The following POLQ variants were observed in gnomAD, a reference collection of about 807,000 sequenced individuals.
POLQ encodes the protein epididymis secretory sperm binding protein.
In POLQ, 233 loss-of-function variants were observed where a neutral mutation model predicts 259.2. The observed-to-expected ratio is 0.90, with a 90% CI of 0.81 to 1.00. The LOEUF is 1.00. Ranked by LOEUF, POLQ falls within the 50% of genes least tolerant of loss-of-function variation. The probability of loss-of-function intolerance (pLI) is 0.00; values close to 1 mark genes in which losing one functional copy is unlikely to be tolerated. For missense variants in POLQ, 2,871 were observed against 3,051.6 expected (o/e 0.94, Z 1.39); for synonymous variants, 1,025 against 1,048.8 (o/e 0.98, Z 0.44).
chr3:121,465,517 G>A (rs2047827856), intron 24 of POLQ, among the ~76,000 whole-genome samples: 1 of 152,016 alleles, frequency 6.6e-6, no homozygotes, highest in African/African-American at 2.4e-5. Flanking sequence ...CACAGATATT[G>A]CAGGTTTTTT....
rs1490660025 is a variant in POLQ, at chr3:121,496,873, T to C, written c.2213A>G (p.Asn738Ser). 27 of 1,613,688 alleles carry C rather than the reference T, an allele frequency of 1.7e-5. No homozygotes were observed. The highest frequency in any genetic ancestry group is 2.3e-5 in the Non-Finnish European group (27 of 1,179,864). Residue 738 changes from asparagine to serine, a missense_variant, in exon 14 of 30, where the codon AAT becomes AGT. Asn to Ser is a conservative substitution (Grantham distance 46). Around this residue, in one of 3 missense-constraint regions of POLQ, gnomAD observed 783 missense variants for 906.2 expected, o/e 0.86. Coordinates refer to ENST00000264233, the MANE Select transcript of POLQ (RefSeq NM_199420.4). The stretch of plus-strand genomic sequence containing the variant: ...CCCACGATTGCATCCATATTTCTGA[T>C]TTATTTCCCTTAAGGGAACTTCACT... Reference protein sequence around the residue: ...LISEVPLREINQKYGCNRGQI... With the variant: ...LISEVPLREISQKYGCNRGQI...
intron 1 of POLQ, among the ~76,000 whole-genome samples, chr3:121,545,369 G>A (rs1217333519): frequency 6.6e-6 from 1 of 152,122 alleles, no homozygotes; most frequent in Non-Finnish European, 1.5e-5. Context: ...AGCCTGTGCC[G>A]TACTCCAGGC....
At chr3:121,466,691 GA>G (rs202168653) in intron 24 of POLQ, among the ~76,000 whole-genome samples, 2,019 of 127,662 alleles carry the variant, frequency 0.016, 68 homozygotes, top group Admixed American at 0.087. Flanking sequence ...ACTCCATCTC[GA>G]AAAAAAAAAA....
chr3:121,490,075 T>C lies in POLQ; in HGVS notation c.2856A>G (p.Ser952=). The C allele has an allele frequency of 6.3e-7, 1 of 1,583,582 alleles. No individual in the cohort carries two copies. Among genetic ancestry groups the C allele is most frequent in the Non-Finnish European group, 8.6e-7 (1 of 1,164,870 alleles). The part of the protein sequence containing the change: ...TIFSDSYIKH[S]PNIVQDLNKS... The stretch of plus-strand genomic sequence containing the variant: ...TATTTAAGTCTTGCACTATATTTGG[T>C]GAATGCTTAATATAAGAATCACTAA... The change falls in exon 16 of 30, where the codon TCA becomes TCG. Residue 952 remains serine, a synonymous_variant. Coordinates refer to ENST00000264233, the MANE Select transcript of POLQ (RefSeq NM_199420.4).
rs201599520 is a variant in POLQ at position 121,449,354 on chromosome 3, C to A, written c.7225G>T (p.Ala2409Ser). Reference sequence around the variant, plus strand: ...TTGAAGGAGTCAATATAGCATGCAGCATCATTTTCTTTAATGCCCATCTGC... The same window carrying A: ...TTGAAGGAGTCAATATAGCATGCAGAATCATTTTCTTTAATGCCCATCTGC... ...GEQMGIKEND[A>S]ACYIDSFKSR... The change falls in exon 26 of 30, where the codon GCT (alanine) becomes TCT (serine). Residue 2409 changes from alanine (A) to serine (S), a missense_variant. Physicochemically the swap from Ala to Ser is moderately conservative, Grantham distance 99. Around this residue, in one of 3 missense-constraint regions of POLQ, gnomAD observed 2,080 missense variants for 2,126.0 expected, o/e 0.98. Transcript: ENST00000264233. The A allele has an allele frequency of 9.4e-6, 15 of 1,598,648 alleles. No homozygotes were observed. The highest frequency in any genetic ancestry group is 5.1e-6 in the Non-Finnish European group (6 of 1,166,228).
chr3:121,476,598 T>A lies in POLQ; in HGVS notation c.6347A>T (p.Gln2116Leu), dbSNP rs2047927871. The A allele has an allele frequency of 6.2e-7, 1 of 1,613,884 alleles. No individual in the cohort carries two copies. Among genetic ancestry groups the A allele is most frequent in the Admixed American group, 1.7e-5 (1 of 59,968 alleles). Residue 2116 changes from glutamine (Q) to leucine (L), a missense_variant, in exon 20 of 30, where the codon CAG (glutamine) becomes CTG (leucine). This residue lies in a region of POLQ where 2,080 missense variants were observed against 2,126.0 expected (regional missense o/e 0.98). Coordinates refer to ENST00000264233, the MANE Select transcript of POLQ (RefSeq NM_199420.4). ...ACTGTGGCCAGCTAGTTGATAGGCCTGGGTCTCAATTGCATCCAGCTTGGC... is the reference window on the plus strand; with the variant it reads ...ACTGTGGCCAGCTAGTTGATAGGCCAGGGTCTCAATTGCATCCAGCTTGGC... Reference protein sequence around the residue: ...MQAKLDAIETQAYQLAGHSFS... With the variant: ...MQAKLDAIETLAYQLAGHSFS...
chr3:121,460,940 A>G (rs1338004278), intron 24 of POLQ, among the ~76,000 whole-genome samples: 2 of 152,238 alleles, frequency 1.3e-5, no homozygotes, highest in Admixed American at 6.5e-5. Context: ...CAAAAGACTC[A>G]TTGCCCTTTC....
At chr3:121,467,062 C>A (rs1288918964) in intron 24 of POLQ, among the ~76,000 whole-genome samples, 8 of 151,898 alleles carry the variant, frequency 5.3e-5, no homozygotes, top group Non-Finnish European at 1.0e-4. Flanking sequence ...TAGGGGCCAC[C>A]CCATGCAATA....
Position 121,494,000 on chromosome 3 carries a change from C to G in POLQ, c.2279-279G>C, listed in dbSNP as rs575835870. ...AAAACTGAGGCAGAGCACATAAACA[C>G]AAAACAAACAAGAAGCCCTCACCCT... On this transcript the variant is annotated intron_variant, in intron 14 of 29. Transcript: ENST00000264233. 3.7e-4 allele frequency: 226 copies of G among 604,162 alleles called. 4 individuals are homozygous for G. In the South Asian group the frequency reaches 4.6e-3, roughly 12 times the overall value. 37.4% of individuals were successfully genotyped at this position (604,162 alleles called of 1,614,324 possible).
At chr3:121,440,211 C>A in intron 26 of POLQ, 95 bp from the exon 27 acceptor site, 4 of 851,522 alleles carry the variant, frequency 4.7e-6, no homozygotes, top group South Asian at 3.4e-5. Context: ...CAAAACCCCA[C>A]GATGATTCTT....
At chr3:121,520,164 T>C (rs2048328058) in intron 8 of POLQ, 81 bp from the exon 9 acceptor site, 1 of 799,050 alleles carries the variant, frequency 1.3e-6, no homozygotes, top group East Asian at 2.7e-5. Context: ...GATTTGAGAG[T>C]CTGCTTCAAG....
intron 12 of POLQ, among the ~76,000 whole-genome samples, chr3:121,501,957 T>G (rs575258803): frequency 4.7e-4 from 67 of 143,446 alleles, no homozygotes; most frequent in Non-Finnish European, 2.2e-4. Flanking sequence ...ACCACCGCAC[T>G]CCAGCCTGGG....
chr3:121,486,516 T>G (rs1218488485), intron 16 of POLQ, among the ~76,000 whole-genome samples: 3 of 151,366 alleles, frequency 2.0e-5, no homozygotes, highest in Admixed American at 2.0e-4. Context: ...ATCATGCCAC[T>G]GTACTCCAGC....
intron 26 of POLQ, among the ~76,000 whole-genome samples, chr3:121,447,291 CT>C (rs2047639850): frequency 4.0e-5 from 6 of 151,768 alleles, no homozygotes; most frequent in Admixed American, 3.9e-4. Flanking sequence ...TCACCTCAGC[CT>C]CCCAAGTAGC....
chr3:121,454,480 G>A (rs1248379468), intron 25 of POLQ, among the ~76,000 whole-genome samples: 1 of 152,192 alleles, frequency 6.6e-6, no homozygotes, highest in Non-Finnish European at 1.5e-5. Flanking sequence ...GCTGTATTCA[G>A]GAGACCCATC....
intron 12 of POLQ, among the ~76,000 whole-genome samples, chr3:121,506,741 G>T (rs997775819): frequency 1.3e-5 from 2 of 152,028 alleles, no homozygotes; most frequent in African/African-American, 4.8e-5. Flanking sequence ...ATCACTTATG[G>T]TTTTACATTT....
In POLQ at chr3:121,488,971, A is replaced by C. The variant is rs1560097448; in HGVS notation, c.3960T>G (p.Asp1320Glu). ...DLGLVLCDFE[D>E]SFYLDTQSEK... Reference sequence around the variant, plus strand: ...CTGACTGAGTATCCAGATAGAAACTATCTTCAAAATCACAGAGGACTAAAC... The same window carrying C: ...CTGACTGAGTATCCAGATAGAAACTCTCTTCAAAATCACAGAGGACTAAAC... The change falls in exon 16 of 30, where the codon GAT (aspartate) becomes GAG (glutamate). Residue 1320 changes from aspartate (D) to glutamate (E), a missense_variant. Transcript: ENST00000264233. 1 of 1,613,772 alleles carries C rather than the reference A, an allele frequency of 6.2e-7. No homozygotes were observed. Among genetic ancestry groups the C allele is most frequent in the South Asian group, 1.1e-5 (1 of 91,074 alleles).
chr3:121,520,341 G>T (rs1229897977), intron 8 of POLQ, among the ~76,000 whole-genome samples: 2 of 152,002 alleles, frequency 1.3e-5, no homozygotes, highest in African/African-American at 4.8e-5. Context: ...TTCGAGACCA[G>T]CCTGGCCAAC....
intron 17 of POLQ, among the ~76,000 whole-genome samples, chr3:121,483,850 G>C (rs2047989686): frequency 6.6e-6 from 1 of 151,776 alleles, no homozygotes; most frequent in Admixed American, 6.6e-5. Flanking sequence ...ATTAATACTT[G>C]TAAAAACAAA....
Sources: gnomAD v4.1 joint callset for allele counts (sites outside exome capture counted in the v4.1 genomes callset) on GRCh38, gnomAD v4.1.1 for gene constraint, gnomAD v4.1.1 regional missense constraint, MANE v1.5 for transcripts, NCBI Gene and HGNC (gene_info 2026-07-23, HGNC 2026-07-21) for gene names.